The following AKT3 variants were observed in gnomAD, a reference collection of about 807,000 sequenced individuals.
The protein encoded by AKT3 is AKT serine/threonine kinase 3, also known as RAC-gamma serine/threonine-protein kinase.
Under a neutral mutation model 65.3 loss-of-function variants are expected in AKT3, and 15 were observed. That is an observed-to-expected ratio of 0.23 (90% CI 0.15 to 0.35). The LOEUF (loss-of-function observed/expected upper bound fraction) is 0.35, where lower values mean the gene tolerates loss of function less well. Ranked by LOEUF, AKT3 falls within the 10% of genes least tolerant of loss-of-function variation. AKT3 has a pLI of 1.00. For synonymous variants in AKT3, 206 were observed against 183.8 expected, an observed-to-expected ratio of 1.12 and a Z score of -0.98; for missense variants, 243 against 576.5, an observed-to-expected ratio of 0.42 and a Z score of 5.92.
chr1:243,590,549 GAATT>G (rs1676152110), intron 8 of AKT3, among the ~76,000 whole-genome samples: 1 of 152,024 alleles, frequency 6.6e-6, no homozygotes, highest in African/African-American at 2.4e-5. Flanking sequence ...AGAGATGATG[GAATT>G]AATAGATACT....
chr1:243,657,442 A>T (rs1351150620), intron 4 of AKT3, among the ~76,000 whole-genome samples: 1 of 152,218 alleles, frequency 6.6e-6, no homozygotes, highest in Non-Finnish European at 1.5e-5. Context: ...TTAACCAAGA[A>T]GGTGAAAGAT....
intron 2 of AKT3, among the ~76,000 whole-genome samples, chr1:243,836,667 T>C (rs1031835285): frequency 2.6e-5 from 4 of 151,946 alleles, no homozygotes; most frequent in African/African-American, 9.7e-5. Context: ...TCCCAGCACT[T>C]TGGAAGGCCA....
chr1:243,765,754 G>GT (rs1214832456), intron 2 of AKT3, among the ~76,000 whole-genome samples: 1 of 152,058 alleles, frequency 6.6e-6, no homozygotes, highest in Non-Finnish European at 1.5e-5. Context: ...TCTCTATTTA[G>GT]TAAGAAATTA....
At chr1:243,518,580 A>G (rs536423594) in intron 12 of AKT3, among the ~76,000 whole-genome samples, 3 of 152,160 alleles carry the variant, frequency 2.0e-5, no homozygotes, top group African/African-American at 7.2e-5. Context: ...AGCCGAGATC[A>G]TGCCATTGCA....
At chr1:243,655,968 TA>T (rs1470904373) in intron 4 of AKT3, among the ~76,000 whole-genome samples, 1 of 152,148 alleles carries the variant, frequency 6.6e-6, no homozygotes, top group Non-Finnish European at 1.5e-5. Context: ...GGTGTCTTTT[TA>T]AAAAACAAAA....
At chr1:243,746,305 A>G (rs1427289688) in intron 2 of AKT3, among the ~76,000 whole-genome samples, 1 of 152,162 alleles carries the variant, frequency 6.6e-6, no homozygotes, top group Non-Finnish European at 1.5e-5. Flanking sequence ...TATCTAAATC[A>G]TATCATATGT....
At chr1:243,577,318 T>C (rs1308090993) in intron 8 of AKT3, among the ~76,000 whole-genome samples, 4 of 152,136 alleles carry the variant, frequency 2.6e-5, no homozygotes, top group African/African-American at 7.2e-5. Context: ...GGCTAATTTT[T>C]ATATTTTTAG....
intron 13 of AKT3, among the ~76,000 whole-genome samples, chr1:243,512,003 T>C (rs1670044149): frequency 6.6e-6 from 1 of 152,218 alleles, no homozygotes; most frequent in Non-Finnish European, 1.5e-5. Flanking sequence ...GGAGTCTCTA[T>C]TTCACAATCC....
intron 3 of AKT3, among the ~76,000 whole-genome samples, chr1:243,692,198 T>A (rs1415637265): frequency 6.6e-6 from 1 of 152,108 alleles, no homozygotes; most frequent in African/African-American, 2.4e-5. Context: ...CCTTCTCACG[T>A]GAGACAGGTC....
intron 2 of AKT3, among the ~76,000 whole-genome samples, chr1:243,756,044 A>G (rs1462934916): frequency 6.6e-6 from 1 of 152,224 alleles, no homozygotes; most frequent in Non-Finnish European, 1.5e-5. Context: ...TATATTGTAG[A>G]TAACTGAACC....
chr1:243,659,710 T>C (rs934009643), intron 4 of AKT3, among the ~76,000 whole-genome samples: 6 of 152,204 alleles, frequency 3.9e-5, no homozygotes, highest in Admixed American at 1.3e-4. Context: ...TCCACCCTTA[T>C]ATCATGTACT....
At chr1:243,678,313 A>C (rs1246314572) in intron 3 of AKT3, among the ~76,000 whole-genome samples, 3 of 152,180 alleles carry the variant, frequency 2.0e-5, no homozygotes, top group African/African-American at 7.2e-5. Context: ...AGCAACAACA[A>C]CAACAACAAA....
chr1:243,496,668 G>A (rs1667991491), downstream of AKT3, among the ~76,000 whole-genome samples: 1 of 152,230 alleles, frequency 6.6e-6, no homozygotes, highest in East Asian at 1.9e-4. Flanking sequence ...ATCTCCCCGG[G>A]CTGCCACTTC....
intron 5 of AKT3, among the ~76,000 whole-genome samples, chr1:243,638,073 C>T (rs994006357): frequency 1.2e-4 from 18 of 152,238 alleles, no homozygotes; most frequent in African/African-American, 4.3e-4. Flanking sequence ...AGTAGTGCTG[C>T]TACCCCCAGA....
intron 8 of AKT3, among the ~76,000 whole-genome samples, chr1:243,597,661 T>G (rs998011670): frequency 6.6e-6 from 1 of 152,126 alleles, no homozygotes; most frequent in Non-Finnish European, 1.5e-5. Flanking sequence ...CTACCACACC[T>G]GGCTAATTTT....
chr1:243,509,617 G>A (rs753279484), intron 13 of AKT3, among the ~76,000 whole-genome samples: 13 of 151,994 alleles, frequency 8.6e-5, no homozygotes, highest in East Asian at 1.9e-4. Context: ...CCTGTCCGCC[G>A]GCCCTCCACT....
intron 5 of AKT3, 47 bp from the exon 6 acceptor site, chr1:243,637,789 T>C (rs779069961): frequency 7.3e-7 from 1 of 1,363,158 alleles, no homozygotes; most frequent in Non-Finnish European, 1.0e-6. Context: ...TTTGATGCAA[T>C]TTATTTGTTA....
intron 11 of AKT3, chr1:243,548,062 C>T (rs901867827): frequency 6.6e-6 from 1 of 152,170 alleles, no homozygotes; most frequent in African/African-American, 2.4e-5. Flanking sequence ...CCTTTGAAGG[C>T]AAGATCAGTG....
intron 1 of AKT3, among the ~76,000 whole-genome samples, chr1:243,844,934 A>C (rs1194848531): frequency 6.6e-6 from 1 of 152,154 alleles, no homozygotes; most frequent in African/African-American, 2.4e-5. Flanking sequence ...GGACCAAAAA[A>C]TGTGGTCCAG....
Sources: allele counts gnomAD v4.1 joint callset (sites outside exome capture counted in the v4.1 genomes callset), GRCh38; gene constraint gnomAD v4.1.1; transcripts MANE v1.5; gene names NCBI Gene and HGNC (gene_info 2026-07-23, HGNC 2026-07-21).